The following STYX variants were observed in gnomAD, a reference collection of about 807,000 sequenced individuals.
STYX encodes the protein serine/threonine/tyrosine interacting protein.
Under a neutral mutation model 42.7 loss-of-function variants are expected in STYX, and 20 were observed. The observed-to-expected ratio is 0.47, with a 90% confidence interval of 0.33 to 0.68. The LOEUF (loss-of-function observed/expected upper bound fraction) is 0.68. Among genes scored for constraint, STYX ranks in the 30% least tolerant of loss-of-function variants. The pLI, the probability that STYX is intolerant of heterozygous loss-of-function variation, is 0.02. For synonymous variants in STYX, 78 were observed against 81.9 expected (o/e 0.95, Z 0.26); for missense variants, 226 against 268.5 (o/e 0.84, Z 1.11).
At chr14:52,770,627 G>A (rs1211997796) in intron 10 of STYX, among the ~76,000 whole-genome samples, 1 of 151,994 alleles carries the variant, frequency 6.6e-6, no homozygotes, top group Non-Finnish European at 1.5e-5. Context: ...CTCTGTGAAA[G>A]CAAAAAGATT....
intron 9 of STYX, among the ~76,000 whole-genome samples, chr14:52,768,200 T>C (rs1165579298): frequency 6.6e-6 from 1 of 152,160 alleles, no homozygotes; most frequent in Non-Finnish European, 1.5e-5. Flanking sequence ...GAAAATTTTA[T>C]TGTGAAATTA....
At chr14:52,738,756 C>G (rs1881062776) in intron 1 of STYX, among the ~76,000 whole-genome samples, 1 of 152,178 alleles carries the variant, frequency 6.6e-6, no homozygotes, top group Admixed American at 6.5e-5. Flanking sequence ...AAAAGAAGCT[C>G]AGTTTGCTCC....
chr14:52,739,632 CTTTTTTTTTTTTT>C (rs58454717), intron 1 of STYX, among the ~76,000 whole-genome samples: 1 of 65,726 alleles, frequency 1.5e-5, no homozygotes, highest in Non-Finnish European at 2.7e-5. Context: ...TCCTTTCTTT[CTTTTTTTTTTTTT>C]TTTTTTTTTT....
At chr14:52,737,066 G>GC (rs1273497389) in intron 1 of STYX, among the ~76,000 whole-genome samples, 1 of 151,884 alleles carries the variant, frequency 6.6e-6, no homozygotes, top group Non-Finnish European at 1.5e-5. Context: ...CCAAACTGTT[G>GC]CCCCCCACCT....
intron 1 of STYX, among the ~76,000 whole-genome samples, chr14:52,731,869 T>C (rs934222993): frequency 6.6e-6 from 1 of 150,918 alleles, no homozygotes; most frequent in Non-Finnish European, 1.5e-5. Flanking sequence ...CTCGGTTCAC[T>C]GCAGTCTCGA....
At position 52,753,658 on chromosome 14, in the gene STYX, A is replaced by G. The variant is rs77213909; in HGVS notation, c.242+2878A>G. ...ATTAAATCATCTCTAGATTACTTCT[A>G]ATACTTAGTACAGTGTAAGTGCTGT... On this transcript the variant is annotated intron_variant, in intron 4 of 10. Coordinates refer to ENST00000354586, the MANE Select transcript of STYX (RefSeq NM_145251.4). 1.6e-3 allele frequency among the ~76,000 whole-genome samples: 245 copies of G among 152,242 alleles called. 1 individual carries two copies. The highest frequency in any genetic ancestry group is 3.4e-3 in the Middle Eastern group (1 of 294).
chr14:52,771,677 T>C lies in STYX; in HGVS notation c.*571T>C, dbSNP rs1882518025. Reference sequence around the variant, plus strand: ...TAACTTAATAGCTTAATTACCATTTTATTTTTTATACTTCTTCCATTATTA... The same window carrying C: ...TAACTTAATAGCTTAATTACCATTTCATTTTTTATACTTCTTCCATTATTA... On this transcript the variant is annotated 3_prime_UTR_variant, in exon 11 of 11. Coordinates refer to ENST00000354586, the MANE Select transcript of STYX (RefSeq NM_145251.4). 1 of 152,556 alleles carries C rather than the reference T, an allele frequency of 6.6e-6. No homozygotes were observed. Among genetic ancestry groups the C allele is most frequent in the South Asian group, 2.1e-4 (1 of 4,826 alleles). The allele number at this position is 152,556 out of a possible 1,614,324, so 9.5% of individuals were successfully genotyped here.
chr14:52,768,857 C>T lies in STYX; in HGVS notation c.522C>T (p.Tyr174=), dbSNP rs745958945. The T allele has an allele frequency of 5.7e-6, 9 of 1,589,940 alleles. No homozygotes were observed. Among genetic ancestry groups the T allele is most frequent in the Non-Finnish European group, 6.8e-6 (8 of 1,170,638 alleles). ...VHQLQEYEAI[Y]LAKLTIQMMS... is the part of the protein sequence containing the mutation. ...TTTTTTAGGAATATGAAGCCATCTA[C>T]CTAGCAAAATTAACAATACAGATGA... Residue 174 remains tyrosine, a synonymous_variant, in exon 10 of 11, where the codon TAC becomes TAT. Transcript: ENST00000354586.
At chr14:52,732,463 C>T (rs1402677334) in intron 1 of STYX, among the ~76,000 whole-genome samples, 2 of 151,498 alleles carry the variant, frequency 1.3e-5, no homozygotes. Context: ...TTAGTAGAGA[C>T]GGGGTTTCAC....
intron 1 of STYX, among the ~76,000 whole-genome samples, chr14:52,737,376 TGTG>T (rs1034387949): frequency 6.6e-6 from 1 of 152,226 alleles, no homozygotes; most frequent in African/African-American, 2.4e-5. Flanking sequence ...TGTTTTAACA[TGTG>T]GTACTTTCTA....
At chr14:52,768,075 A>G (rs1158924528) in intron 9 of STYX, among the ~76,000 whole-genome samples, 1 of 152,106 alleles carries the variant, frequency 6.6e-6, no homozygotes, top group South Asian at 2.1e-4. Context: ...ATACCATGCA[A>G]GGGCTTGTTG....
At chr14:52,764,477 T>C (rs1011070034) in intron 9 of STYX, among the ~76,000 whole-genome samples, 1 of 152,172 alleles carries the variant, frequency 6.6e-6, no homozygotes, top group African/African-American at 2.4e-5. Flanking sequence ...GGTATCATTG[T>C]TTCCTAATAG....
chr14:52,760,705 G>C (rs561185615), intron 9 of STYX, among the ~76,000 whole-genome samples: 1 of 152,018 alleles, frequency 6.6e-6, no homozygotes, highest in Non-Finnish European at 1.5e-5. Context: ...TGTCATCTGT[G>C]TTCAGCCTGT....
intron 10 of STYX, among the ~76,000 whole-genome samples, chr14:52,769,397 T>C (rs1356795381): frequency 6.6e-6 from 1 of 152,150 alleles, no homozygotes; most frequent in Non-Finnish European, 1.5e-5. Context: ...CCTTTGTTTC[T>C]CTCCCAACAA....
At chr14:52,735,728 T>A (rs8003782) in intron 1 of STYX, among the ~76,000 whole-genome samples, 1 of 151,888 alleles carries the variant, frequency 6.6e-6, no homozygotes. Flanking sequence ...TAATAAAAAC[T>A]GAATTCAAGC....
rs138862851 is a variant in STYX, at chr14:52,749,537, A to G, written c.145-1146A>G. Among the ~76,000 whole-genome samples the G allele has an allele frequency of 3.8e-3, 576 of 152,284 alleles. 13 individuals are homozygous for G. Among genetic ancestry groups the G allele is most frequent in the Admixed American group, 0.03 (460 of 15,286 alleles). On this transcript the variant is annotated intron_variant, in intron 3 of 10. Transcript: ENST00000354586. Reference sequence around the variant, plus strand: ...CATTTATTGAACAGGTAATTATTGAACAACTTAACTAGTTATACATACTTG... The same window carrying G: ...CATTTATTGAACAGGTAATTATTGAGCAACTTAACTAGTTATACATACTTG...
chr14:52,743,914 C>G (rs1484312599), intron 1 of STYX, among the ~76,000 whole-genome samples: 2 of 152,082 alleles, frequency 1.3e-5, no homozygotes, highest in African/African-American at 4.8e-5. Flanking sequence ...CTCTGCCTCC[C>G]AGGCTCAAGC....
chr14:52,735,683 A>G (rs1483695423), intron 1 of STYX, among the ~76,000 whole-genome samples: 3 of 152,210 alleles, frequency 2.0e-5, no homozygotes, highest in African/African-American at 7.2e-5. Flanking sequence ...TGACACAGGG[A>G]GCACTACCTG....
chr14:52,763,345 G>T (rs1221469813), intron 9 of STYX, among the ~76,000 whole-genome samples: 1 of 151,906 alleles, frequency 6.6e-6, no homozygotes, highest in Non-Finnish European at 1.5e-5. Context: ...TCTTCATCTG[G>T]TTAGTCCATG....
Sources: gnomAD v4.1 joint callset for allele counts (sites outside exome capture counted in the v4.1 genomes callset) on GRCh38, gnomAD v4.1.1 for gene constraint, MANE v1.5 for transcripts, NCBI Gene and HGNC (gene_info 2026-07-23, HGNC 2026-07-21) for gene names.